The following RNF135 variants were observed in gnomAD, a reference collection of about 807,000 sequenced individuals.
RNF135 encodes E3 ubiquitin-protein ligase RNF135.
In RNF135, 46 loss-of-function variants were observed where a neutral mutation model predicts 41.9. The ratio of observed to expected loss-of-function variants is 1.10; its 90% CI spans 0.87 to 1.40. RNF135 has a LOEUF of 1.40. RNF135 is among the 40% of genes most tolerant of loss of function. The pLI is 0.00. For synonymous variants in RNF135, 238 were observed against 223.8 expected, an observed-to-expected ratio of 1.06 and a Z score of -0.57; for missense variants, 539 against 549.8, an observed-to-expected ratio of 0.98 and a Z score of 0.20.
intron 4 of RNF135, 124 bp downstream of exon 4, chr17:30,997,455 A>G (rs1233678110): frequency 2.0e-5 from 17 of 861,810 alleles, no homozygotes; most frequent in Non-Finnish European, 2.9e-5. Flanking sequence ...GATTTGTTCC[A>G]GGTCCCTCCA....
At chr17:30,970,142 T>C (rs936194227), upstream of RNF135, 1 of 152,062 alleles carries the variant, frequency 6.6e-6, no homozygotes, top group Non-Finnish European at 1.5e-5. Flanking sequence ...GGTTTTAGTC[T>C]CTGACGCTTC....
intron 2 of RNF135, among the ~76,000 whole-genome samples, chr17:30,986,833 A>C (rs1468587694): frequency 6.6e-6 from 1 of 152,216 alleles, no homozygotes; most frequent in Non-Finnish European, 1.5e-5. Flanking sequence ...AAAATGTGGG[A>C]TGTTATAATT....
rs1212327703 is a variant in RNF135 at position 30,998,705 on chromosome 17, C to T, written c.813C>T (p.Ser271=). 1 of 1,613,930 alleles carries T rather than the reference C, an allele frequency of 6.2e-7. No individual in the cohort carries two copies. The highest frequency in any genetic ancestry group is 1.1e-5 in the South Asian group (1 of 91,058). The change falls in exon 5 of 5, where the codon AGC becomes AGT. Residue 271 remains serine, a synonymous_variant. Transcript: ENST00000328381. ...TTAACTTGAAGAGCCTTTCCTGCAG[C>T]CTGGAGGTGTCCAAGGATTCCCGTA... The part of the protein sequence containing the change: ...PTFNLKSLSC[S]LEVSKDSRTV...
chr17:30,984,742 A>ACTGAGCATCCTGGGCAAGGTAGG lies in RNF135; in HGVS notation c.501_516+7dup, dbSNP rs1183644760. ...TATCAGAATCTGGACCAGACAACGA[A>ACTGAGCATCCTGGGCAAGGTAGG]CTGAGCATCCTGGGCAAGGTAGGCT... On this transcript the variant is annotated frameshift_variant, in exon 2 of 5. Coordinates refer to ENST00000328381, the MANE Select transcript of RNF135 (RefSeq NM_032322.4). LOFTEE classifies it high-confidence loss of function. 2.5e-6 allele frequency: 4 copies of ACTGAGCATCCTGGGCAAGGTAGG among 1,614,196 alleles called. No homozygotes were observed. Among genetic ancestry groups the ACTGAGCATCCTGGGCAAGGTAGG allele is most frequent in the Non-Finnish European group, 2.5e-6 (3 of 1,180,028 alleles).
At chr17:30,997,119 C>T in intron 3 of RNF135, 123 bp from the exon 4 acceptor site, 1 of 759,658 alleles carries the variant, frequency 1.3e-6, no homozygotes, top group East Asian at 2.8e-5. Context: ...CCAGTCCTGA[C>T]ACTGAAAAAT....
chr17:30,995,597 C>T (rs1410578306), intron 3 of RNF135, among the ~76,000 whole-genome samples: 3 of 152,106 alleles, frequency 2.0e-5, no homozygotes, highest in Non-Finnish European at 4.4e-5. Flanking sequence ...CAACCCCCTC[C>T]TACCTGGCAA....
chr17:30,988,174 T>C (rs770102968), intron 3 of RNF135, 68 bp downstream of exon 3: 13 of 1,469,228 alleles, frequency 8.8e-6, no homozygotes, highest in Non-Finnish European at 1.2e-5. Flanking sequence ...GAGTGCTCTA[T>C]GGCTTTGTTC....
the RNF135 span, among the ~76,000 whole-genome samples, chr17:30,962,081 G>C: frequency 6.6e-6 from 1 of 151,392 alleles, no homozygotes; most frequent in African/African-American, 2.4e-5. Context: ...TGCCCATTCT[G>C]CACTTAATTT....
chr17:30,994,879 C>G (rs1428999874), intron 3 of RNF135, among the ~76,000 whole-genome samples: 2 of 151,448 alleles, frequency 1.3e-5, no homozygotes, highest in African/African-American at 2.4e-5. Context: ...CTCAGGTGAT[C>G]CACCCGTCTC....
chr17:30,973,411 T>C (rs1486222591), intron 1 of RNF135: 1 of 152,164 alleles, frequency 6.6e-6, no homozygotes, highest in African/African-American at 2.4e-5. Flanking sequence ...TGTTGTCATA[T>C]TTACAAATCC....
intron 3 of RNF135, among the ~76,000 whole-genome samples, chr17:30,992,571 TC>T (rs1183543810): frequency 6.6e-6 from 1 of 151,978 alleles, no homozygotes; most frequent in African/African-American, 2.4e-5. Context: ...GCTCAAGTGA[TC>T]CTCCCTCCTT....
At chr17:30,967,652 A>C (rs2142638587), upstream of RNF135, among the ~76,000 whole-genome samples, 1 of 152,186 alleles carries the variant, frequency 6.6e-6, no homozygotes, top group Admixed American at 6.5e-5. Flanking sequence ...AATTCTGTGG[A>C]GGAAATGGAA....
At chr17:30,984,860 TA>T in intron 2 of RNF135, 100 bp downstream of exon 2, 1 of 1,262,826 alleles carries the variant, frequency 7.9e-7, no homozygotes. Flanking sequence ...AAGGATACAA[TA>T]AGTCTCAATC....
intron 1 of RNF135, among the ~76,000 whole-genome samples, chr17:30,974,330 T>C (rs922834675): frequency 6.6e-6 from 1 of 152,222 alleles, no homozygotes; most frequent in Non-Finnish European, 1.5e-5. Context: ...AATAGAGAAG[T>C]GTGAGTTCTT....
intron 1 of RNF135, among the ~76,000 whole-genome samples, chr17:30,981,777 G>C (rs1169413194): frequency 2.0e-5 from 3 of 152,284 alleles, no homozygotes; most frequent in Non-Finnish European, 4.4e-5. Context: ...CCCAAGCCCA[G>C]TAAAGCTGTG....
intron 4 of RNF135, 90 bp downstream of exon 4, chr17:30,997,421 C>G (rs1432759347): frequency 1.8e-6 from 2 of 1,102,576 alleles, no homozygotes; most frequent in African/African-American, 3.1e-5. Flanking sequence ...ACTGCTAGGG[C>G]CACTCCTTGG....
Position 30,998,823 on chromosome 17 carries a change from G to A in RNF135, c.931G>A (p.Gly311Arg), listed in dbSNP as rs1908547510. 3 of 1,613,330 alleles carry A rather than the reference G, an allele frequency of 1.9e-6. No homozygotes were observed. The South Asian group carries it at 3.3e-5, about 18-fold the overall frequency. ...CTTATGTTCCCAGGCCCTGTCTTCT[G>A]GAAAGCATTACTGGGAAGTGGACAC... ...QVLCSQALSS[G>R]KHYWEVDTRN... The change falls in exon 5 of 5, where the codon GGA becomes AGA. Residue 311 changes from glycine to arginine, a missense_variant. Coordinates refer to ENST00000328381, the MANE Select transcript of RNF135 (RefSeq NM_032322.4).
intron 1 of RNF135, among the ~76,000 whole-genome samples, chr17:30,981,200 A>C (rs1907121133): frequency 1.3e-5 from 2 of 149,662 alleles, no homozygotes. Context: ...TCCACCAAAA[A>C]AAAACGAAAA....
intron 1 of RNF135, among the ~76,000 whole-genome samples, chr17:30,981,231 G>A (rs1907126276): frequency 6.7e-6 from 1 of 148,644 alleles, no homozygotes; most frequent in Admixed American, 6.6e-5. Context: ...GTGGCGGCGC[G>A]CGCCTGCAAT....
Sources: allele counts gnomAD v4.1 joint callset (sites outside exome capture counted in the v4.1 genomes callset), GRCh38; gene constraint gnomAD v4.1.1; transcripts MANE v1.5; gene names NCBI Gene and HGNC (gene_info 2026-07-23, HGNC 2026-07-21).